The following RBM44 variants were observed in gnomAD, a reference collection of about 807,000 sequenced individuals.
RBM44 encodes RNA-binding protein 44.
A neutral mutation model predicts 105.1 loss-of-function variants in RBM44; 66 were observed. That is an observed-to-expected ratio of 0.63 (90% CI 0.52 to 0.77). The LOEUF (loss-of-function observed/expected upper bound fraction) is 0.77, where lower values mean the gene tolerates loss of function less well. Ranked by LOEUF, RBM44 falls within the 30% of genes least tolerant of loss-of-function variation. The pLI is 0.00. For missense variants in RBM44, 1,122 were observed against 1,207.8 expected (o/e 0.93, Z 1.05); for synonymous variants, 365 against 417.6 (o/e 0.87, Z 1.54).
chr2:237,828,220 C>T (rs1049269548), intron 12 of RBM44, among the ~76,000 whole-genome samples: 3 of 152,008 alleles, frequency 2.0e-5, no homozygotes, highest in African/African-American at 7.2e-5. Context: ...AATTTTTTTA[C>T]TGTTTCATTA....
chr2:237,831,242 TTGG>T (rs1280540439), intron 13 of RBM44, among the ~76,000 whole-genome samples: 21 of 114,260 alleles, frequency 1.8e-4, no homozygotes, highest in African/African-American at 6.7e-4. Flanking sequence ...GTCCTTTTTT[TTGG>T]GGGGGGGGGG....
At chr2:237,827,815 C>G (rs2061863338) in intron 12 of RBM44, among the ~76,000 whole-genome samples, 1 of 152,066 alleles carries the variant, frequency 6.6e-6, no homozygotes, top group Non-Finnish European at 1.5e-5. Context: ...AGAACGGCTT[C>G]CAGAAATAGA....
In RBM44 at chr2:237,834,125, G is replaced by A. The variant is rs776312945; in HGVS notation, c.3015G>A (p.Leu1005=). ...AGATCATAAAGAGACTGGCTGAACT[G>A]CATCCAGAAGTCAGCAGGTAATAAC... is the stretch of plus-strand genomic sequence containing the variant. ...FTKIIKRLAE[L]HPEVSRDHII... is the part of the protein sequence containing the mutation. The change falls in exon 14 of 16, where the codon CTG becomes CTA. Residue 1005 remains leucine (L), a synonymous_variant. Transcript: ENST00000316997. 13 of 1,569,398 alleles carry A rather than the reference G, an allele frequency of 8.3e-6. No homozygotes were observed. In the East Asian group the frequency reaches 3.0e-4, roughly 36 times the overall value.
At chr2:237,829,713 C>A (rs568250478) in intron 13 of RBM44, among the ~76,000 whole-genome samples, 2 of 152,152 alleles carry the variant, frequency 1.3e-5, no homozygotes, top group Non-Finnish European at 2.9e-5. Flanking sequence ...ACCAAGCTAA[C>A]GAAAAACTCG....
intron 2 of RBM44, among the ~76,000 whole-genome samples, chr2:237,816,511 C>T (rs949402785): frequency 2.6e-5 from 4 of 152,106 alleles, no homozygotes; most frequent in Non-Finnish European, 5.9e-5. Flanking sequence ...GGTCAGGCTG[C>T]CATAACAAAA....
At chr2:237,821,418 C>A (rs1378814170) in intron 7 of RBM44, 50 bp downstream of exon 7, 2 of 1,365,498 alleles carry the variant, frequency 1.5e-6, no homozygotes, top group East Asian at 4.9e-5. Flanking sequence ...CTAAAAATTG[C>A]TTAATTCAGT....
At chr2:237,810,217 C>G (rs1205494810) in intron 1 of RBM44, among the ~76,000 whole-genome samples, 3 of 152,232 alleles carry the variant, frequency 2.0e-5, no homozygotes, top group African/African-American at 4.8e-5. Context: ...TGTTTAATAG[C>G]CATGTGTGGC....
At chr2:237,826,268 C>A (rs1197246727) in intron 10 of RBM44, among the ~76,000 whole-genome samples, 1 of 152,098 alleles carries the variant, frequency 6.6e-6, no homozygotes, top group African/African-American at 2.4e-5. Flanking sequence ...TATTTGTGTA[C>A]TTCCTGTGTG....
intron 7 of RBM44, 51 bp downstream of exon 7, chr2:237,821,419 T>A (rs2061788565): frequency 1.5e-6 from 2 of 1,324,110 alleles, no homozygotes; most frequent in Non-Finnish European, 2.1e-6. Flanking sequence ...TAAAAATTGC[T>A]TAATTCAGTT....
chr2:237,807,483 A>G (rs541126892), intron 1 of RBM44, among the ~76,000 whole-genome samples: 2 of 152,252 alleles, frequency 1.3e-5, no homozygotes. Flanking sequence ...TCTCAAAAGC[A>G]TCTGAGAACT....
Position 237,812,803 on chromosome 2 carries a change from C to G in RBM44, c.-18-789C>G, listed in dbSNP as rs555912556. ...TCGCCTCTGGGATCATTTCATGTGT[C>G]CATTGGGATATTCTACCAGTAATTA... On this transcript the variant is annotated intron_variant, in intron 1 of 15. Transcript: ENST00000316997. 1.8e-4 allele frequency among the ~76,000 whole-genome samples: 27 copies of G among 152,078 alleles called. No homozygotes were observed. In the South Asian group the frequency reaches 5.4e-3, roughly 30 times the overall value.
In RBM44 at chr2:237,823,389, G is replaced by C. The variant is rs2061814309; in HGVS notation, c.2206-51G>C. 12 of 824,416 alleles carry C rather than the reference G, an allele frequency of 1.5e-5. No homozygotes were observed. The South Asian group carries it at 1.9e-4, about 13-fold the overall frequency. The allele number at this position is 824,416 out of a possible 1,614,324, so 51.1% of individuals were successfully genotyped here. On this transcript the variant is annotated intron_variant, in intron 8 of 15. Transcript: ENST00000316997. ...GAAGAGTACCTGTCACATAGTAAGA[G>C]CATAATAATTATTTGCCCTTATTTA...
chr2:237,834,078 T>A lies in RBM44; in HGVS notation c.2968T>A (p.Leu990Met). The A allele has an allele frequency of 6.3e-7, 1 of 1,582,762 alleles. No individual in the cohort carries two copies. Among genetic ancestry groups the A allele is most frequent in the Non-Finnish European group, 8.6e-7 (1 of 1,162,300 alleles). ...TPVQFIPPNT[L>M]NLRSFTKIIK... The stretch of plus-strand genomic sequence containing the variant: ...CGTTCAATTCATACCTCCAAATACA[T>A]TGAACCTTCGTAGCTTTACCAAGAT... Residue 990 changes from leucine (L) to methionine (M), a missense_variant, in exon 14 of 16, where the codon TTG (leucine) becomes ATG (methionine). By Grantham distance (15) the Leu-to-Met change is conservative. This residue lies in a region of RBM44 where 194 missense variants were observed against 225.5 expected (regional missense o/e 0.86). Coordinates refer to ENST00000316997, the MANE Select transcript of RBM44 (RefSeq NM_001080504.3).
At chr2:237,813,130 C>T (rs531217966) in intron 1 of RBM44, among the ~76,000 whole-genome samples, 11 of 152,288 alleles carry the variant, frequency 7.2e-5, no homozygotes, top group African/African-American at 2.6e-4. Flanking sequence ...TCCCATCTCC[C>T]ACAACCTATC....
At chr2:237,820,514 T>C in intron 5 of RBM44, 163 bp downstream of exon 5, 2 of 482,102 alleles carry the variant, frequency 4.1e-6, no homozygotes, top group Non-Finnish European at 3.7e-6. Context: ...TTGAGTTTCA[T>C]GGAGGGGCCA....
Position 237,821,197 on chromosome 2 carries a change from G to GCT in RBM44, c.2041_2042insTC (p.Pro681LeufsTer6), listed in dbSNP as rs764877632. On this transcript the variant is annotated frameshift_variant, in exon 6 of 16. Coordinates refer to ENST00000316997, the MANE Select transcript of RBM44 (RefSeq NM_001080504.3). LOFTEE classifies it high-confidence loss of function. The stretch of plus-strand genomic sequence containing the variant: ...ACAAAGGCATACCACTGGAAGAGCT[G>GCT]CCCCCACTGTCACTAGAATCAAAAT... 6.2e-7 allele frequency: 1 copy of GCT among 1,610,466 alleles called. No individual in the cohort carries two copies. The highest frequency in any genetic ancestry group is 1.1e-5 in the South Asian group (1 of 90,568).
In RBM44 at chr2:237,810,275, A is replaced by G. The variant is rs528422226; in HGVS notation, c.-18-3317A>G. ...TAATTTTGCTGATCTCCAGACCTCT[A>G]TATCTCCATTTGAATGTCAAATAGA... On this transcript the variant is annotated intron_variant, in intron 1 of 15. Coordinates refer to ENST00000316997, the MANE Select transcript of RBM44 (RefSeq NM_001080504.3). 4.1e-4 allele frequency among the ~76,000 whole-genome samples: 62 copies of G among 152,358 alleles called. 1 individual carries two copies. The South Asian group carries it at 4.1e-3, about 10-fold the overall frequency.
intron 12 of RBM44, 139 bp from the exon 13 acceptor site, chr2:237,829,078 A>G (rs2061877868): frequency 7.1e-6 from 4 of 565,746 alleles, no homozygotes; most frequent in Non-Finnish European, 1.2e-5. Flanking sequence ...TCTTAATCCC[A>G]AGGTAAGTAC....
At chr2:237,814,177 A>C (rs1459965280) in intron 2 of RBM44, among the ~76,000 whole-genome samples, 1 of 152,100 alleles carries the variant, frequency 6.6e-6, no homozygotes, top group Non-Finnish European at 1.5e-5. Context: ...TAAAACAAAA[A>C]CTCTACATTG....
Sources: allele counts gnomAD v4.1 joint callset (sites outside exome capture counted in the v4.1 genomes callset), GRCh38; gene constraint gnomAD v4.1.1; regional missense constraint gnomAD v4.1.1; transcripts MANE v1.5; gene names NCBI Gene and HGNC (gene_info 2026-07-23, HGNC 2026-07-21).